Variants in INO80 observed in about 807,000 individuals in gnomAD.
INO80 encodes INO80 complex ATPase subunit, also known as chromatin-remodeling ATPase INO80.
A neutral mutation model predicts 203.4 loss-of-function variants in INO80; 20 were observed. That is an observed-to-expected ratio of 0.10 (90% CI 0.07 to 0.14). The LOEUF (loss-of-function observed/expected upper bound fraction) is 0.14, where lower values mean the gene tolerates loss of function less well. Among genes scored for constraint, INO80 ranks in the 10% least tolerant of loss-of-function variants. The pLI, the probability that INO80 is intolerant of heterozygous loss-of-function variation, is 1.00. For synonymous variants in INO80, 726 were observed against 685.2 expected (o/e 1.06, Z -0.93); for missense variants, 1,419 against 1,914.4 (o/e 0.74, Z 4.83).
intron 14 of INO80, among the ~76,000 whole-genome samples, chr15:41,063,274 T>C (rs1050816219): frequency 6.6e-6 from 1 of 151,950 alleles, no homozygotes; most frequent in African/African-American, 2.4e-5. Flanking sequence ...GAGGCAGAGG[T>C]TGCAGTAAGC....
intron 15 of INO80, 44 bp downstream of exon 15, chr15:41,059,823 C>G: frequency 7.9e-7 from 1 of 1,265,620 alleles, no homozygotes; most frequent in South Asian, 1.3e-5. Context: ...GAAATAATGA[C>G]TGCATGTACG....
At chr15:41,031,593 G>GAAA (rs1404237548) in intron 24 of INO80, among the ~76,000 whole-genome samples, 3 of 11,794 alleles carry the variant, frequency 2.5e-4, no homozygotes, top group Admixed American at 8.7e-4. Context: ...GAGGAAGGGA[G>GAAA]GGAGGGAGGG....
intron 27 of INO80, among the ~76,000 whole-genome samples, chr15:41,006,806 A>AT (rs779786112): frequency 6.6e-6 from 1 of 152,120 alleles, no homozygotes; most frequent in Non-Finnish European, 1.5e-5. Context: ...TTTAATTTTG[A>AT]TTTTTTAATT....
In INO80 at chr15:40,985,282, T is replaced by C. The variant is rs559454649; in HGVS notation, c.3921+56A>G. On this transcript the variant is annotated intron_variant, in intron 32 of 35. Transcript: ENST00000648947. ...AGAAGCCATGTACCCCAAAGCCTTT[T>C]TGGTAAGTACCCCAGGCCCCATTAG... 2.9e-5 allele frequency: 38 copies of C among 1,292,746 alleles called. No homozygotes were observed. The African/African-American group carries it at 5.5e-4, about 19-fold the overall frequency. The allele number at this position is 1,292,746 out of a possible 1,614,324, so 80.1% of individuals were successfully genotyped here. A position where few individuals can be genotyped will look rare whatever the true frequency, so the allele number is the denominator to read the frequency against.
chr15:41,111,956 G>C (rs1297331087), intron 1 of INO80, among the ~76,000 whole-genome samples: 1 of 152,132 alleles, frequency 6.6e-6, no homozygotes, highest in African/African-American at 2.4e-5. Context: ...CCAGGCTGGA[G>C]TGCAGTGGCA....
Position 41,056,609 on chromosome 15 carries a change from G to A in INO80, c.2070+13C>T, listed in dbSNP as rs757412345. 3 of 1,594,394 alleles carry A rather than the reference G, an allele frequency of 1.9e-6. No individual in the cohort carries two copies. The highest frequency in any genetic ancestry group is 2.6e-6 in the Non-Finnish European group (3 of 1,162,080). On this transcript the variant is annotated intron_variant, in intron 17 of 35. Coordinates refer to ENST00000648947, the MANE Select transcript of INO80 (RefSeq NM_017553.3). ...TATGAAGATATAAACCTGTGACCTG[G>A]ACTAGTGCCTACCTCTGCCATGGTG...
In INO80 at chr15:40,992,592, A is replaced by G. The variant is rs777823703; in HGVS notation, c.3571-4618T>C. Reference sequence around the variant, plus strand: ...AGCTAAATAAATCTCAGGGCAAAGGAAAAATGCCAGACAAGCAACTAATCC... The same window carrying G: ...AGCTAAATAAATCTCAGGGCAAAGGGAAAATGCCAGACAAGCAACTAATCC... On this transcript the variant is annotated intron_variant, in intron 29 of 35. Transcript: ENST00000648947. Among the ~76,000 whole-genome samples, 24 of 152,250 alleles carry G rather than the reference A, an allele frequency of 1.6e-4. 1 individual carries two copies. The highest frequency in any genetic ancestry group is 3.4e-4 in the Non-Finnish European group (23 of 68,046).
chr15:41,106,189 G>A (rs2045878029), intron 1 of INO80, among the ~76,000 whole-genome samples: 1 of 152,058 alleles, frequency 6.6e-6, no homozygotes, highest in African/African-American at 2.4e-5. Flanking sequence ...TTTGAGACCA[G>A]CCTGGGCAAC....
chr15:41,049,392 C>T lies in INO80; in HGVS notation c.2471G>A (p.Arg824Gln). ...KVCNHPELFE[R>Q]QETWSPFHIS... The stretch of plus-strand genomic sequence containing the variant: ...ATGAAATGGAGACCAAGTTTCTTGC[C>T]GTTCAAATAACTCCGGGTGATTACA... The change falls in exon 21 of 36, where the codon CGG becomes CAG. Residue 824 changes from arginine to glutamine, a missense_variant. Physicochemically the swap from Arg to Gln is conservative, Grantham distance 43. This residue lies in a region of INO80 where 192 missense variants were observed against 406.7 expected (regional missense o/e 0.47). Transcript: ENST00000648947. 1.9e-6 allele frequency: 3 copies of T among 1,613,792 alleles called. No individual in the cohort carries two copies. The highest frequency in any genetic ancestry group is 2.5e-6 in the Non-Finnish European group (3 of 1,179,818).
At chr15:41,081,633 C>T (rs2045486388) in intron 7 of INO80, among the ~76,000 whole-genome samples, 1 of 152,132 alleles carries the variant, frequency 6.6e-6, no homozygotes. Flanking sequence ...CACAACCCAG[C>T]TATTTGTGTT....
chr15:41,079,595 A>C (rs552975222), intron 9 of INO80, 106 bp downstream of exon 9: 1 of 1,092,558 alleles, frequency 9.2e-7, no homozygotes, highest in East Asian at 2.4e-5. Context: ...AAAAAACAAA[A>C]AATTGACAGT....
intron 9 of INO80, among the ~76,000 whole-genome samples, chr15:41,076,159 G>A (rs866732844): frequency 9.9e-5 from 15 of 152,026 alleles, no homozygotes; most frequent in Non-Finnish European, 7.4e-5. Context: ...TCAGGAGTTC[G>A]AGATCAGCCT....
intron 1 of INO80, among the ~76,000 whole-genome samples, chr15:41,105,494 C>T (rs141451403): frequency 4.6e-5 from 7 of 152,222 alleles, no homozygotes; most frequent in Non-Finnish European, 1.0e-4. Context: ...GCTTAACTAA[C>T]TCGCCCAAGA....
At chr15:41,096,083 T>C (rs2045719118) in intron 2 of INO80, 85 bp downstream of exon 2, 2 of 1,447,814 alleles carry the variant, frequency 1.4e-6, no homozygotes, top group Non-Finnish European at 1.9e-6. Context: ...ATAAAAATCA[T>C]AAGATACTTT....
chr15:41,092,298 C>T lies in INO80; in HGVS notation c.382-116G>A, dbSNP rs558677874. ...AAAAACAGCAGAAAGATAGTCACTCCAGTTCCCCTTATGACATGCTTTATA... is the reference window on the plus strand; with the variant it reads ...AAAAACAGCAGAAAGATAGTCACTCTAGTTCCCCTTATGACATGCTTTATA... On this transcript the variant is annotated intron_variant, in intron 4 of 35. Transcript: ENST00000648947. 5.9e-6 allele frequency: 4 copies of T among 679,800 alleles called. No individual in the cohort carries two copies. In the Admixed American group the frequency reaches 1.2e-4, roughly 20 times the overall value. 42.1% of individuals were successfully genotyped at this position (679,800 alleles called of 1,614,324 possible). A position where few individuals can be genotyped will look rare whatever the true frequency, so the allele number is the denominator to read the frequency against.
At chr15:41,086,364 C>G (rs1332102911) in intron 6 of INO80, among the ~76,000 whole-genome samples, 2 of 151,978 alleles carry the variant, frequency 1.3e-5, no homozygotes, top group Non-Finnish European at 2.9e-5. Context: ...CAATTCATAC[C>G]TTTAAGCCAG....
At chr15:41,046,234 T>C (rs1178947501) in intron 23 of INO80, among the ~76,000 whole-genome samples, 1 of 30,802 alleles carries the variant, frequency 3.2e-5, no homozygotes, top group African/African-American at 6.3e-5. Flanking sequence ...TATATATATA[T>C]ATATATATAT....
At position 40,987,290 on chromosome 15, in the gene INO80, G is replaced by A. The variant is rs891294741; in HGVS notation, c.3730-97C>T. ...CACATCGTTCTCAACCCACTCCTCA[G>A]GGGAGGCCTCTGGTTTCCTATTTCT... On this transcript the variant is annotated intron_variant, in intron 30 of 35. Coordinates refer to ENST00000648947, the MANE Select transcript of INO80 (RefSeq NM_017553.3). 4 of 689,828 alleles carry A rather than the reference G, an allele frequency of 5.8e-6. No homozygotes were observed. The African/African-American group carries it at 7.1e-5, about 12-fold the overall frequency. 42.7% of individuals were successfully genotyped at this position (689,828 alleles called of 1,614,324 possible).
chr15:41,070,304 A>C (rs1286383438), intron 13 of INO80, among the ~76,000 whole-genome samples, 163 bp downstream of exon 13: 1 of 152,214 alleles, frequency 6.6e-6, no homozygotes, highest in Non-Finnish European at 1.5e-5. Context: ...AAAAACCAAA[A>C]AGTTATAAAA....
Sources: allele counts gnomAD v4.1 joint callset (sites outside exome capture counted in the v4.1 genomes callset), GRCh38; gene constraint gnomAD v4.1.1; regional missense constraint gnomAD v4.1.1; transcripts MANE v1.5; gene names NCBI Gene and HGNC (gene_info 2026-07-23, HGNC 2026-07-21).